ARHGEF3: variants seen among roughly 807,000 people sequenced by gnomAD.
ARHGEF3 encodes the protein Rho guanine nucleotide exchange factor 3, also known as 59.8 kDA protein.
A neutral mutation model predicts 63.2 loss-of-function variants in ARHGEF3; 28 were observed. The observed-to-expected ratio is 0.44, with a 90% confidence interval of 0.33 to 0.61. The LOEUF (loss-of-function observed/expected upper bound fraction) is 0.61, where lower values mean the gene tolerates loss of function less well. Ranked by LOEUF, ARHGEF3 falls within the 20% of genes least tolerant of loss-of-function variation. The pLI, the probability that ARHGEF3 is intolerant of heterozygous loss-of-function variation, is 0.03. For missense variants in ARHGEF3, 533 were observed against 659.3 expected, an observed-to-expected ratio of 0.81 and a Z score of 2.10; for synonymous variants, 266 against 254.2, an observed-to-expected ratio of 1.05 and a Z score of -0.44.
Position 56,801,708 on chromosome 3 carries a change from C to T in ARHGEF3, c.91G>A (p.Ala31Thr). The T allele has an allele frequency of 6.4e-7, 1 of 1,558,520 alleles. No homozygotes were observed. Among genetic ancestry groups the T allele is most frequent in the South Asian group, 1.2e-5 (1 of 84,516 alleles). The change falls in exon 1 of 10, where the codon GCT becomes ACT. Residue 31 changes from alanine (A) to threonine (T), a missense_variant. Physicochemically the swap from Ala to Thr is moderately conservative, Grantham distance 58. Around this residue, in one of 4 missense-constraint regions of ARHGEF3, gnomAD observed 160 missense variants for 157.3 expected, o/e 1.02. Transcript: ENST00000296315. ...LPPASGPAKDAEEPSNKRVKP... is the reference protein window; with the variant it reads ...LPPASGPAKDTEEPSNKRVKP... ...GGTGCAGGGCGCGGCCCTACCTCAGCGTCCTTGGCCGGACCGCTGGCCGGG... is the reference window on the plus strand; with the variant it reads ...GGTGCAGGGCGCGGCCCTACCTCAGTGTCCTTGGCCGGACCGCTGGCCGGG...
chr3:57,050,065 C>T (rs1416901321), intron 1 of ARHGEF3, among the ~76,000 whole-genome samples: 1 of 152,180 alleles, frequency 6.6e-6, no homozygotes, highest in African/African-American at 2.4e-5. Flanking sequence ...ATCCAGAGAC[C>T]TGCAAGGTGT....
At chr3:57,055,123 A>C (rs1704862888) in intron 1 of ARHGEF3, among the ~76,000 whole-genome samples, 1 of 143,062 alleles carries the variant, frequency 7.0e-6, no homozygotes, top group African/African-American at 2.6e-5. Flanking sequence ...AAGAGTTCTT[A>C]TTTTTAATGA....
intron 1 of ARHGEF3, among the ~76,000 whole-genome samples, chr3:56,793,869 T>C (rs549423696): frequency 6.6e-6 from 1 of 152,342 alleles, no homozygotes; most frequent in African/African-American, 2.4e-5. Flanking sequence ...TTTTTCAATA[T>C]ATTAGTGTAC....
intron 2 of ARHGEF3, among the ~76,000 whole-genome samples, chr3:56,764,661 T>C (rs2107805452): frequency 6.6e-6 from 1 of 152,084 alleles, no homozygotes; most frequent in East Asian, 1.9e-4. Context: ...GAACATAAGG[T>C]ACTTTGTGCA....
chr3:57,053,119 G>A (rs1054452172), intron 1 of ARHGEF3, among the ~76,000 whole-genome samples: 1 of 152,172 alleles, frequency 6.6e-6, no homozygotes. Context: ...GAAAATCCAA[G>A]GAGTGCAAAT....
At chr3:56,869,160 TA>T (rs35040202) in intron 4 of ARHGEF3, among the ~76,000 whole-genome samples, 131 of 146,250 alleles carry the variant, frequency 9.0e-4, no homozygotes, top group Middle Eastern at 3.5e-3. Flanking sequence ...CGTGAGGAGT[TA>T]AAAAAAAAAA....
chr3:56,914,361 A>G (rs773635006), intron 3 of ARHGEF3, among the ~76,000 whole-genome samples: 8 of 152,240 alleles, frequency 5.3e-5, no homozygotes, highest in Non-Finnish European at 1.2e-4. Flanking sequence ...ACATGAAAGC[A>G]ACCCAAGGCC....
chr3:56,839,736 C>G (rs1367166892), intron 4 of ARHGEF3, among the ~76,000 whole-genome samples: 1 of 152,158 alleles, frequency 6.6e-6, no homozygotes, highest in Non-Finnish European at 1.5e-5. Context: ...CTGATTTGGT[C>G]TGGTTGCATC....
At chr3:56,967,008 C>T (rs1234892346) in intron 2 of ARHGEF3, among the ~76,000 whole-genome samples, 1 of 150,388 alleles carries the variant, frequency 6.6e-6, no homozygotes, top group Non-Finnish European at 1.5e-5. Flanking sequence ...GGATTACAGG[C>T]ATGCGCCACC....
intron 2 of ARHGEF3, among the ~76,000 whole-genome samples, chr3:56,973,041 G>A (rs1184799265): frequency 1.3e-5 from 2 of 150,856 alleles, no homozygotes; most frequent in African/African-American, 4.9e-5. Context: ...TTTTGAGATG[G>A]AGTCTCGCTC....
chr3:56,792,447 G>C (rs2037136328), intron 1 of ARHGEF3, among the ~76,000 whole-genome samples: 1 of 152,222 alleles, frequency 6.6e-6, no homozygotes, highest in Non-Finnish European at 1.5e-5. Context: ...TTGTAGGACA[G>C]AGAGGTTGTT....
At chr3:56,839,718 A>T (rs1313824479) in intron 4 of ARHGEF3, among the ~76,000 whole-genome samples, 1 of 152,180 alleles carries the variant, frequency 6.6e-6, no homozygotes, top group Non-Finnish European at 1.5e-5. Context: ...CTGGCAGCTG[A>T]GCTTTCACTG....
At chr3:56,839,308 CATT>C (rs1388021307) in intron 4 of ARHGEF3, among the ~76,000 whole-genome samples, 1 of 151,758 alleles carries the variant, frequency 6.6e-6, no homozygotes, top group Non-Finnish European at 1.5e-5. Context: ...GTGTGTGTGA[CATT>C]AGTTTTTTTA....
chr3:56,834,771 A>G (rs1292688376), intron 4 of ARHGEF3, among the ~76,000 whole-genome samples: 1 of 151,808 alleles, frequency 6.6e-6, no homozygotes, highest in Non-Finnish European at 1.5e-5. Context: ...AAAAAGAATA[A>G]CAATATCCAG....
chr3:56,894,014 C>T lies in ARHGEF3; in HGVS notation c.130-11660G>A, dbSNP rs141101222. Among the ~76,000 whole-genome samples the T allele has an allele frequency of 1.8e-4, 27 of 152,150 alleles. 1 individual carries two copies. Among genetic ancestry groups the T allele is most frequent in the Non-Finnish European group, 1.6e-4 (11 of 68,004 alleles). On this transcript the variant is annotated intron_variant, in intron 3 of 12. Coordinates refer to the ARHGEF3 transcript ENST00000338458. ...CGGTCACTCGTGTAGCAGATACAGC[C>T]GGCTGACAACCCCTGGGCAATCACC...
At chr3:56,997,848 C>A (rs1702052088) in intron 2 of ARHGEF3, among the ~76,000 whole-genome samples, 1 of 152,180 alleles carries the variant, frequency 6.6e-6, no homozygotes, top group African/African-American at 2.4e-5. Flanking sequence ...CATTCCAATT[C>A]TAGAATTCCT....
At chr3:56,792,978 A>G (rs920362248) in intron 1 of ARHGEF3, among the ~76,000 whole-genome samples, 2 of 149,858 alleles carry the variant, frequency 1.3e-5, no homozygotes, top group African/African-American at 5.0e-5. Context: ...TTCCTGCAAC[A>G]TTCACGGCAT....
upstream of ARHGEF3, among the ~76,000 whole-genome samples, chr3:56,804,258 C>T (rs1432967531): frequency 6.6e-6 from 1 of 152,204 alleles, no homozygotes; most frequent in Non-Finnish European, 1.5e-5. Context: ...TGTGGAAAGT[C>T]ATGACTACAT....
chr3:56,828,258 G>A (rs1255177499), intron 4 of ARHGEF3, among the ~76,000 whole-genome samples: 1 of 151,932 alleles, frequency 6.6e-6, no homozygotes, highest in African/African-American at 2.4e-5. Flanking sequence ...GTTCATGGCC[G>A]GGCACGGTGG....
Sources: allele counts gnomAD v4.1 joint callset (sites outside exome capture counted in the v4.1 genomes callset), GRCh38; gene constraint gnomAD v4.1.1; regional missense constraint gnomAD v4.1.1; transcripts MANE v1.5; gene names NCBI Gene and HGNC (gene_info 2026-07-23, HGNC 2026-07-21).